The following MEF2A variants were observed in gnomAD, a reference collection of about 807,000 sequenced individuals.
The protein encoded by MEF2A is myocyte enhancer factor 2A, also known as myocyte-specific enhancer factor 2A.
MEF2A carries 28 observed loss-of-function variants against 55.8 expected under a neutral mutation model. The observed-to-expected ratio is 0.50, with a 90% confidence interval of 0.37 to 0.69. MEF2A has a LOEUF of 0.69. Ranked by LOEUF, MEF2A falls within the 30% of genes least tolerant of loss-of-function variation. MEF2A has a pLI of 0.00. For synonymous variants in MEF2A, 239 were observed against 227.1 expected, an observed-to-expected ratio of 1.05 and a Z score of -0.47; for missense variants, 528 against 626.2, an observed-to-expected ratio of 0.84 and a Z score of 1.67.
intron 1 of MEF2A, among the ~76,000 whole-genome samples, chr15:99,570,533 T>A (rs960708121): frequency 6.6e-6 from 1 of 152,248 alleles, no homozygotes; most frequent in Non-Finnish European, 1.5e-5. Flanking sequence ...TGGACATTTT[T>A]ACTTTGTTAC....
At chr15:99,604,847 C>T (rs547424685) in intron 2 of MEF2A, among the ~76,000 whole-genome samples, 2 of 152,032 alleles carry the variant, frequency 1.3e-5, no homozygotes, top group Middle Eastern at 3.4e-3. Context: ...AATTTACTGC[C>T]CATTAAGGTT....
intron 1 of MEF2A, among the ~76,000 whole-genome samples, chr15:99,571,052 G>A (rs931654854): frequency 1.3e-5 from 2 of 151,882 alleles, no homozygotes; most frequent in Admixed American, 6.6e-5. Flanking sequence ...GGGCATAGTG[G>A]CTCACACCTG....
intron 4 of MEF2A, among the ~76,000 whole-genome samples, chr15:99,658,646 CTG>C (rs542636836): frequency 2.4e-3 from 369 of 151,194 alleles, no homozygotes; most frequent in Non-Finnish European, 2.5e-3. Flanking sequence ...CATAGTGAAA[CTG>C]TGCAGAAAAC....
chr15:99,678,395 A>G (rs1486356059), intron 7 of MEF2A, among the ~76,000 whole-genome samples: 1 of 152,162 alleles, frequency 6.6e-6, no homozygotes, highest in Non-Finnish European at 1.5e-5. Context: ...ATAAGCATGG[A>G]TTGCAAATTC....
chr15:99,627,419 CAAAAAAAAA>C (rs139658538), intron 2 of MEF2A, among the ~76,000 whole-genome samples: 2 of 43,046 alleles, frequency 4.6e-5, no homozygotes, highest in African/African-American at 1.1e-4. Context: ...GACTTTATCT[CAAAAAAAAA>C]AAAAAAAAAA....
chr15:99,658,014 T>C (rs1004124796), intron 4 of MEF2A, among the ~76,000 whole-genome samples: 3 of 152,088 alleles, frequency 2.0e-5, no homozygotes, highest in African/African-American at 7.2e-5. Flanking sequence ...GAAATCTCTT[T>C]CAAATAACCT....
At chr15:99,617,446 A>G (rs1158745636) in intron 2 of MEF2A, among the ~76,000 whole-genome samples, 1 of 152,204 alleles carries the variant, frequency 6.6e-6, no homozygotes, top group Non-Finnish European at 1.5e-5. Context: ...GAGCAGAGAA[A>G]GAATATTTAT....
chr15:99,601,800 G>A (rs1003594578), intron 2 of MEF2A, among the ~76,000 whole-genome samples: 1 of 145,630 alleles, frequency 6.9e-6, no homozygotes, highest in African/African-American at 2.6e-5. Flanking sequence ...TGTAGTTTTT[G>A]TCTGTTTTGT....
intron 1 of MEF2A, among the ~76,000 whole-genome samples, chr15:99,573,154 G>C (rs1290355100): frequency 6.6e-6 from 1 of 152,142 alleles, no homozygotes; most frequent in Non-Finnish European, 1.5e-5. Flanking sequence ...CGGGCGTGGT[G>C]GTGGGCACCA....
In MEF2A at chr15:99,573,084, C is replaced by G. The variant is rs147065809; in HGVS notation, c.-225+6980C>G. On this transcript the variant is annotated intron_variant, in intron 1 of 11. Coordinates refer to ENST00000557942, the MANE Select transcript of MEF2A (RefSeq NM_001319206.4). ...CGGGCGATTCACGAGGTCAGGAGATCGAGACCATCCTGGCTAACACAGTGA... is the reference window on the plus strand; with the variant it reads ...CGGGCGATTCACGAGGTCAGGAGATGGAGACCATCCTGGCTAACACAGTGA... Among the ~76,000 whole-genome samples, 21 of 152,112 alleles carry G rather than the reference C, an allele frequency of 1.4e-4. 1 individual carries two copies. The East Asian group carries it at 3.7e-3, about 27-fold the overall frequency.
intron 7 of MEF2A, among the ~76,000 whole-genome samples, chr15:99,679,496 G>C (rs544463388): frequency 2.3e-4 from 35 of 152,290 alleles, no homozygotes; most frequent in African/African-American, 7.7e-4. Context: ...AGTTTGAAAA[G>C]CAGGCCAAAA....
At chr15:99,678,517 C>T in intron 7 of MEF2A, 1 of 380,762 alleles carries the variant, frequency 2.6e-6, no homozygotes, top group Non-Finnish European at 3.6e-6. Flanking sequence ...ACCTTTAAAC[C>T]ATATCATTTT....
chr15:99,614,222 T>C (rs541355628), intron 2 of MEF2A, among the ~76,000 whole-genome samples: 1 of 152,354 alleles, frequency 6.6e-6, no homozygotes, highest in East Asian at 1.9e-4. Flanking sequence ...TTAATAAATA[T>C]TAAGTTACCT....
At chr15:99,617,733 T>A (rs150013324) in intron 2 of MEF2A, among the ~76,000 whole-genome samples, 2 of 152,270 alleles carry the variant, frequency 1.3e-5, no homozygotes, top group African/African-American at 4.8e-5. Context: ...ATTCTAAATT[T>A]TTTTTTGTTA....
rs78372746 is a variant in MEF2A, at chr15:99,581,594, A to G, written c.-225+15490A>G. ...AATGGCCTAGGTTCTGCTTCCCCCA[A>G]ACCCTTCCTCTTTTGGACTCTGTCC... On this transcript the variant is annotated intron_variant, in intron 1 of 11. Coordinates refer to ENST00000557942, the MANE Select transcript of MEF2A (RefSeq NM_001319206.4). 6.6e-3 allele frequency among the ~76,000 whole-genome samples: 1,010 copies of G among 151,982 alleles called. 11 individuals carry two copies. Among genetic ancestry groups the G allele is most frequent in the African/African-American group, 0.023 (961 of 41,452 alleles).
At chr15:99,571,004 G>C (rs1962004333) in intron 1 of MEF2A, among the ~76,000 whole-genome samples, 1 of 152,074 alleles carries the variant, frequency 6.6e-6, no homozygotes, top group African/African-American at 2.4e-5. Flanking sequence ...GGCCAACGTG[G>C]TGAAACCCCG....
At chr15:99,585,832 A>T (rs1466209640) in intron 1 of MEF2A, among the ~76,000 whole-genome samples, 1 of 152,202 alleles carries the variant, frequency 6.6e-6, no homozygotes, top group Admixed American at 6.5e-5. Flanking sequence ...CTTTTAAATT[A>T]TAGCTTTCCA....
chr15:99,707,742 T>A (rs2058196049), intron 10 of MEF2A, among the ~76,000 whole-genome samples: 2 of 152,208 alleles, frequency 1.3e-5, no homozygotes, highest in Non-Finnish European at 2.9e-5. Flanking sequence ...GAGAAGTTAT[T>A]ATGATTCTCC....
At chr15:99,657,801 G>A (rs2047984048) in intron 4 of MEF2A, among the ~76,000 whole-genome samples, 1 of 152,068 alleles carries the variant, frequency 6.6e-6, no homozygotes, top group South Asian at 2.1e-4. Context: ...GAGTTATTTA[G>A]TACTGAGCAG....
Sources: allele counts gnomAD v4.1 joint callset (sites outside exome capture counted in the v4.1 genomes callset), GRCh38; gene constraint gnomAD v4.1.1; transcripts MANE v1.5; gene names NCBI Gene and HGNC (gene_info 2026-07-23, HGNC 2026-07-21).